Variants in CAMTA1 observed in about 807,000 individuals in gnomAD.
CAMTA1 encodes calmodulin-binding transcription activator 1.
A neutral mutation model predicts 170.9 loss-of-function variants in CAMTA1; 27 were observed. The ratio of observed to expected loss-of-function variants is 0.16; its 90% CI spans 0.12 to 0.22. The LOEUF is 0.22. Ranked by LOEUF, CAMTA1 falls within the 10% of genes least tolerant of loss-of-function variation. CAMTA1 has a pLI of 1.00. For missense variants in CAMTA1, 1,619 were observed against 2,217.2 expected (o/e 0.73, Z 5.42); for synonymous variants, 833 against 891.5 (o/e 0.93, Z 1.17).
intron 3 of CAMTA1, among the ~76,000 whole-genome samples, chr1:7,034,667 G>A (rs1256028838): frequency 6.6e-6 from 1 of 152,118 alleles, no homozygotes; most frequent in Non-Finnish European, 1.5e-5. Context: ...AAGATTGCTC[G>A]ACTTAGGATG....
At chr1:6,864,316 G>T (rs1665824705) in intron 3 of CAMTA1, among the ~76,000 whole-genome samples, 1 of 152,150 alleles carries the variant, frequency 6.6e-6, no homozygotes, top group African/African-American at 2.4e-5. Context: ...ACAATTGCCT[G>T]TGCGCAGACG....
chr1:7,107,301 T>TGTGTGTGTGC (rs765615131), intron 4 of CAMTA1, among the ~76,000 whole-genome samples: 92 of 151,158 alleles, frequency 6.1e-4, no homozygotes, highest in African/African-American at 2.0e-3. Context: ...TGTGTGTGTG[T>TGTGTGTGTGC]GCGCGCCCAC....
intron 3 of CAMTA1, among the ~76,000 whole-genome samples, chr1:7,013,209 CTTTTTTTTTTTT>C (rs969077771): frequency 1.2e-5 from 1 of 84,206 alleles, no homozygotes; most frequent in African/African-American, 5.3e-5. Context: ...TGCCCTTCTT[CTTTTTTTTTTTT>C]TTTTTTTTTT....
intron 5 of CAMTA1, among the ~76,000 whole-genome samples, chr1:7,292,649 C>T (rs1365613247): frequency 1.3e-5 from 2 of 152,170 alleles, no homozygotes; most frequent in Non-Finnish European, 2.9e-5. Flanking sequence ...CTGAATTGAT[C>T]CCTGATTGAA....
At chr1:6,830,428 C>T (rs1649423873) in intron 3 of CAMTA1, among the ~76,000 whole-genome samples, 1 of 151,412 alleles carries the variant, frequency 6.6e-6, no homozygotes, top group South Asian at 2.1e-4. Context: ...ACTGCAACCT[C>T]CACCTCCCGG....
At chr1:6,823,091 T>C (rs1323018928) in intron 2 of CAMTA1, among the ~76,000 whole-genome samples, 1 of 152,086 alleles carries the variant, frequency 6.6e-6, no homozygotes, top group Non-Finnish European at 1.5e-5. Flanking sequence ...ATGTTGAATA[T>C]TTGAATTGAG....
chr1:7,013,296 C>T (rs1700089659), intron 3 of CAMTA1, among the ~76,000 whole-genome samples: 1 of 142,786 alleles, frequency 7.0e-6, no homozygotes, highest in Non-Finnish European at 1.5e-5. Context: ...TATCTCACTG[C>T]AACCTCTGCC....
intron 11 of CAMTA1, among the ~76,000 whole-genome samples, chr1:7,708,806 G>A (rs1274024794): frequency 6.6e-6 from 1 of 152,118 alleles, no homozygotes; most frequent in Non-Finnish European, 1.5e-5. Context: ...GAGGGTAAAT[G>A]TTTCTAGGAG....
chr1:7,627,379 A>C (rs1249060815), intron 6 of CAMTA1, among the ~76,000 whole-genome samples: 1 of 152,206 alleles, frequency 6.6e-6, no homozygotes, highest in Non-Finnish European at 1.5e-5. Context: ...GTTCCATACG[A>C]TCCTAGGGAA....
At chr1:7,501,430 G>C (rs2094003799) in intron 6 of CAMTA1, among the ~76,000 whole-genome samples, 1 of 152,158 alleles carries the variant, frequency 6.6e-6, no homozygotes, top group Admixed American at 6.5e-5. Flanking sequence ...GAGGGAGAAT[G>C]CTCGCCAAAG....
chr1:6,881,718 A>G (rs759560006), intron 3 of CAMTA1, among the ~76,000 whole-genome samples: 1 of 152,196 alleles, frequency 6.6e-6, no homozygotes, highest in Non-Finnish European at 1.5e-5. Flanking sequence ...CTGTAACCCC[A>G]GCACTTCGGG....
intron 4 of CAMTA1, among the ~76,000 whole-genome samples, chr1:7,107,688 A>AAG (rs1643749683): frequency 1.3e-5 from 2 of 152,148 alleles, no homozygotes; most frequent in Non-Finnish European, 2.9e-5. Context: ...TCAGCCAGGC[A>AAG]GAGCTGTCTC....
intron 3 of CAMTA1, among the ~76,000 whole-genome samples, chr1:7,004,830 C>T (rs933274256): frequency 2.0e-5 from 3 of 152,168 alleles, no homozygotes; most frequent in African/African-American, 4.8e-5. Context: ...TGCAATGGCA[C>T]GATCTCAGCT....
intron 6 of CAMTA1, among the ~76,000 whole-genome samples, chr1:7,612,246 C>T (rs749412280): frequency 1.3e-5 from 2 of 152,148 alleles, no homozygotes; most frequent in Non-Finnish European, 2.9e-5. Flanking sequence ...AGGTGGCTCT[C>T]AGCAGGATGG....
In CAMTA1 at chr1:7,113,519, G is replaced by A. The variant is rs1200632831; in HGVS notation, c.302+22148G>A. The stretch of plus-strand genomic sequence containing the variant: ...TGGAGAGGGAGGAAGGAGGGTCTCG[G>A]GCAAGACCTCCCCCAACAGGCAGAC... On this transcript the variant is annotated intron_variant, in intron 4 of 22. Transcript: ENST00000303635. This position sits in a 1 kb window ranked among gnomAD's most constrained non-coding sequence, Gnocchi z 4.5. Among the ~76,000 whole-genome samples the A allele has an allele frequency of 6.6e-6, 1 of 152,158 alleles. No individual in the cohort carries two copies. The highest frequency in any genetic ancestry group is 1.5e-5 in the Non-Finnish European group (1 of 68,032).
chr1:7,159,004 A>G (rs1194841404), intron 4 of CAMTA1, among the ~76,000 whole-genome samples: 3 of 151,980 alleles, frequency 2.0e-5, no homozygotes, highest in Non-Finnish European at 4.4e-5. Context: ...TTTTATTTAA[A>G]CTTTGTGCTT....
rs151298247 is a variant in CAMTA1, at chr1:7,563,562, A to G, written c.511-76838A>G. 1.5e-3 allele frequency among the ~76,000 whole-genome samples: 228 copies of G among 152,328 alleles called. 1 individual carries two copies. Among genetic ancestry groups the G allele is most frequent in the Non-Finnish European group, 2.4e-3 (165 of 68,034 alleles). Reference sequence around the variant, plus strand: ...GCAAGTTTTGTCTTCAGCCTTCCACATCAGGGTGTTAGCAACCCTTGGCTT... The same window carrying G: ...GCAAGTTTTGTCTTCAGCCTTCCACGTCAGGGTGTTAGCAACCCTTGGCTT... On this transcript the variant is annotated intron_variant, in intron 6 of 22. Coordinates refer to ENST00000303635, the MANE Select transcript of CAMTA1 (RefSeq NM_015215.4).
At position 7,411,400 on chromosome 1, in the gene CAMTA1, G is replaced by A. The variant is rs111455373; in HGVS notation, c.439-56430G>A. Reference sequence around the variant, plus strand: ...TGAAAACACAAAAGATTAGCCGGGCGTGGTGACACGGCCCTGTAATCCCAG... The same window carrying A: ...TGAAAACACAAAAGATTAGCCGGGCATGGTGACACGGCCCTGTAATCCCAG... On this transcript the variant is annotated intron_variant, in intron 5 of 22. Coordinates refer to ENST00000303635, the MANE Select transcript of CAMTA1 (RefSeq NM_015215.4). Among the ~76,000 whole-genome samples the A allele has an allele frequency of 1.4e-4, 22 of 152,238 alleles. No homozygotes were observed. The South Asian group carries it at 1.9e-3, about 13-fold the overall frequency.
In CAMTA1 at chr1:7,570,187, G is replaced by C. The variant is rs2095108670; in HGVS notation, c.511-70213G>C. Among the ~76,000 whole-genome samples the C allele has an allele frequency of 6.6e-6, 1 of 152,146 alleles. No individual in the cohort carries two copies. Among genetic ancestry groups the C allele is most frequent in the South Asian group, 2.1e-4 (1 of 4,830 alleles). On this transcript the variant is annotated intron_variant, in intron 6 of 22. Transcript: ENST00000303635. The surrounding 1 kb of genome is among the most constrained non-coding windows in gnomAD (Gnocchi z 4.3). ...TCCAAAACTCCCTGCAGGACTGGTT[G>C]CCCCTCACGCCACCTCCTTCCTGTG... is the stretch of plus-strand genomic sequence containing the variant.
Sources: allele counts gnomAD v4.1 joint callset (sites outside exome capture counted in the v4.1 genomes callset), GRCh38; gene constraint gnomAD v4.1.1; non-coding constraint Gnocchi (gnomAD v3.1); transcripts MANE v1.5; gene names NCBI Gene and HGNC (gene_info 2026-07-23, HGNC 2026-07-21).